The following GRM7 variants were observed in gnomAD, a reference collection of about 807,000 sequenced individuals.
GRM7 encodes metabotropic glutamate receptor 7.
GRM7 carries 35 observed loss-of-function variants against 84.5 expected under a neutral mutation model. The observed-to-expected ratio is 0.41, with a 90% CI of 0.32 to 0.55. The LOEUF (loss-of-function observed/expected upper bound fraction) is 0.55, where lower values mean the gene tolerates loss of function less well. GRM7 is among the 20% of genes least tolerant of loss of function. The probability of loss-of-function intolerance (pLI) is 0.19; values close to 1 mark genes in which losing one functional copy is unlikely to be tolerated. For missense variants in GRM7, 1,003 were observed against 1,194.6 expected (o/e 0.84, Z 2.36); for synonymous variants, 487 against 455.1 (o/e 1.07, Z -0.89).
chr3:7,288,763 G>C (rs1699518100), intron 2 of GRM7, among the ~76,000 whole-genome samples: 1 of 152,004 alleles, frequency 6.6e-6, no homozygotes, highest in Admixed American at 6.6e-5. Context: ...TAAAACTACT[G>C]TGGTATAGTA....
At chr3:7,578,090 A>G (rs1380242723) in intron 7 of GRM7, among the ~76,000 whole-genome samples, 1 of 152,160 alleles carries the variant, frequency 6.6e-6, no homozygotes, top group East Asian at 1.9e-4. Context: ...GCTCACAAGA[A>G]TCCTTTGGGC....
At chr3:7,306,458 T>C (rs1257009517) in intron 3 of GRM7, 40 bp from the exon 4 acceptor site, 2 of 1,576,328 alleles carry the variant, frequency 1.3e-6, no homozygotes, top group African/African-American at 2.7e-5. Context: ...CAGCTGACGT[T>C]CTTTATCATT....
intron 1 of GRM7, among the ~76,000 whole-genome samples, chr3:6,876,342 G>A (rs1387100684): frequency 6.6e-6 from 1 of 151,854 alleles, no homozygotes; most frequent in East Asian, 1.9e-4. Flanking sequence ...TTTCCTGTTT[G>A]TTTGCTTCTC....
rs1559306156 is a variant in GRM7 at position 7,415,085 on chromosome 3, G to A, written c.1096G>A (p.Glu366Lys). 14 of 1,612,418 alleles carry A rather than the reference G, an allele frequency of 8.7e-6. No individual in the cohort carries two copies. The highest frequency in any genetic ancestry group is 1.7e-5 in the Admixed American group (1 of 59,978). The change falls in exon 5 of 10, where the codon GAA (glutamate) becomes AAA (lysine). Residue 366 changes from glutamate (E) to lysine (K), a missense_variant. By Grantham distance (56) the Glu-to-Lys change is moderately conservative (BLOSUM62 1). Transcript: ENST00000357716. ...CAACAGAAGAAATGTATGGTTTGCCGAATACTGGGAGGAAAACTTCAACTG... is the reference window on the plus strand; with the variant it reads ...CAACAGAAGAAATGTATGGTTTGCCAAATACTGGGAGGAAAACTTCAACTG... ...ENNRRNVWFA[E>K]YWEENFNCKL...
intron 2 of GRM7, among the ~76,000 whole-genome samples, chr3:7,277,205 A>C (rs1364660210): frequency 6.6e-6 from 1 of 152,076 alleles, no homozygotes; most frequent in Non-Finnish European, 1.5e-5. Flanking sequence ...ATCCTTTCAC[A>C]CTTAACTGGG....
intron 2 of GRM7, among the ~76,000 whole-genome samples, chr3:7,149,838 G>A (rs1694227792): frequency 6.6e-6 from 1 of 152,140 alleles, no homozygotes; most frequent in African/African-American, 2.4e-5. Context: ...TGATTACATT[G>A]AATCACAATG....
At chr3:6,897,754 A>G (rs546533240) in intron 1 of GRM7, among the ~76,000 whole-genome samples, 9 of 152,368 alleles carry the variant, frequency 5.9e-5, no homozygotes, top group African/African-American at 2.2e-4. Flanking sequence ...ACAAGGTTTC[A>G]GCAGGAAATC....
intron 7 of GRM7, among the ~76,000 whole-genome samples, chr3:7,473,784 G>A (rs1698810097): frequency 2.0e-5 from 3 of 152,052 alleles, no homozygotes; most frequent in African/African-American, 7.2e-5. Flanking sequence ...TCAGAAAAGG[G>A]ACTATTTATC....
At chr3:7,385,339 C>T (rs1396458205) in intron 4 of GRM7, among the ~76,000 whole-genome samples, 4 of 123,370 alleles carry the variant, frequency 3.2e-5, no homozygotes, top group South Asian at 2.7e-4. Context: ...CTCGCTCTGT[C>T]GCACAGGCTG....
chr3:6,948,029 G>A (rs1448689204), intron 1 of GRM7, among the ~76,000 whole-genome samples: 1 of 151,910 alleles, frequency 6.6e-6, no homozygotes, highest in Non-Finnish European at 1.5e-5. Flanking sequence ...TGATTTTTTT[G>A]AAGGGTTTAT....
chr3:7,056,208 C>A (rs1253841453), intron 1 of GRM7, among the ~76,000 whole-genome samples: 1 of 152,018 alleles, frequency 6.6e-6, no homozygotes, highest in Non-Finnish European at 1.5e-5. Context: ...TTTTCCCCAA[C>A]GCAGGGCTTC....
chr3:7,438,380 T>C (rs1180112360), intron 5 of GRM7, among the ~76,000 whole-genome samples: 1 of 152,000 alleles, frequency 6.6e-6, no homozygotes, highest in African/African-American at 2.4e-5. Context: ...AGAGCAATCA[T>C]GACACCCCCA....
chr3:7,248,930 CA>C (rs1471982398), intron 2 of GRM7, among the ~76,000 whole-genome samples: 2 of 151,906 alleles, frequency 1.3e-5, no homozygotes, highest in Non-Finnish European at 2.9e-5. Flanking sequence ...AGTTAGAGAA[CA>C]GAATAGTTTG....
chr3:7,531,093 C>A (rs1701019901), intron 7 of GRM7, among the ~76,000 whole-genome samples: 1 of 152,118 alleles, frequency 6.6e-6, no homozygotes, highest in East Asian at 1.9e-4. Context: ...ATGTTTAAGT[C>A]TTTAATCAAT....
intron 1 of GRM7, among the ~76,000 whole-genome samples, chr3:7,071,367 G>A (rs568667129): frequency 6.6e-6 from 1 of 152,148 alleles, no homozygotes; most frequent in South Asian, 2.1e-4. Context: ...TAGTTTTATT[G>A]GGACAAAACT....
chr3:7,702,731 A>G (rs1480384690), intron 9 of GRM7, among the ~76,000 whole-genome samples: 1 of 152,230 alleles, frequency 6.6e-6, no homozygotes. Flanking sequence ...GATCCTAATT[A>G]CAGGCTACAG....
chr3:7,117,684 C>T (rs779191261), intron 1 of GRM7, among the ~76,000 whole-genome samples: 2 of 152,160 alleles, frequency 1.3e-5, no homozygotes, highest in Non-Finnish European at 2.9e-5. Flanking sequence ...AGATAAAAAG[C>T]CTCATTTAAA....
intron 2 of GRM7, among the ~76,000 whole-genome samples, chr3:7,290,217 G>T (rs1699575179): frequency 6.6e-6 from 1 of 152,158 alleles, no homozygotes; most frequent in African/African-American, 2.4e-5. Context: ...TATGACATCA[G>T]AAATCAATCA....
chr3:7,104,555 C>A (rs1171216461), intron 1 of GRM7, among the ~76,000 whole-genome samples: 2 of 151,768 alleles, frequency 1.3e-5, no homozygotes, highest in Non-Finnish European at 2.9e-5. Context: ...GGTGACTTCA[C>A]ATCATAAGAT....
Sources: allele counts gnomAD v4.1 joint callset (sites outside exome capture counted in the v4.1 genomes callset), GRCh38; gene constraint gnomAD v4.1.1; transcripts MANE v1.5; gene names NCBI Gene and HGNC (gene_info 2026-07-23, HGNC 2026-07-21).